LRRC28: variants seen among roughly 807,000 people sequenced by gnomAD.
The protein encoded by LRRC28 is leucine-rich repeat-containing protein 28.
In LRRC28, 39 loss-of-function variants were observed where a neutral mutation model predicts 45.7. The ratio of observed to expected loss-of-function variants is 0.85; its 90% CI spans 0.66 to 1.12. LRRC28 has a LOEUF of 1.12. Among genes scored for constraint, LRRC28 ranks in the 50% most tolerant of loss-of-function variants. The pLI is 0.00. For synonymous variants in LRRC28, 206 were observed against 178.8 expected (o/e 1.15, Z -1.22); for missense variants, 435 against 438.5 (o/e 0.99, Z 0.07).
intron 5 of LRRC28, among the ~76,000 whole-genome samples, chr15:99,304,827 T>C (rs1955122131): frequency 6.6e-6 from 1 of 152,204 alleles, no homozygotes; most frequent in Admixed American, 6.5e-5. Context: ...TAAAGTGATC[T>C]ATGGGGATCA....
rs571093219 is a variant in LRRC28, at chr15:99,386,099, T to C, written c.1101T>C (p.Ser367=). Residue 367 remains serine (S), a synonymous_variant, in exon 10 of 10, where the codon AGT becomes AGC. Transcript: ENST00000301981. ...TQCLQTFDLL[S] is the part of the protein sequence containing the mutation. ...GTCTGCAGACTTTTGACCTGCTGAG[T>C]TGATAAACACTCAAGAACCTCAGGA... 6 of 1,613,810 alleles carry C rather than the reference T, an allele frequency of 3.7e-6. No homozygotes were observed. The highest frequency in any genetic ancestry group is 5.1e-6 in the Non-Finnish European group (6 of 1,179,710).
intron 1 of LRRC28, among the ~76,000 whole-genome samples, chr15:99,252,154 T>G (rs2080831407): frequency 6.6e-6 from 1 of 152,358 alleles, no homozygotes; most frequent in South Asian, 2.1e-4. Context: ...TAAGTAATAC[T>G]ATTTGCCTTA....
intron 2 of LRRC28, among the ~76,000 whole-genome samples, chr15:99,267,361 A>G (rs778763678): frequency 2.0e-5 from 3 of 152,176 alleles, no homozygotes; most frequent in Non-Finnish European, 4.4e-5. Flanking sequence ...AGATGGCCTA[A>G]AAGAGCATCA....
At chr15:99,259,648 T>C in intron 2 of LRRC28, 3 of 1,427,562 alleles carry the variant, frequency 2.1e-6, no homozygotes, top group East Asian at 2.3e-5. Flanking sequence ...CAAATTACCA[T>C]GCGAGTCGGA....
In LRRC28 at chr15:99,389,864, C is replaced by G. The variant is rs1309063595; in HGVS notation, c.*3762C>G. 6.6e-6 allele frequency: 1 copy of G among 152,168 alleles called. No individual in the cohort carries two copies. The allele number at this position is 152,168 out of a possible 1,614,324, so 9.4% of individuals were successfully genotyped here. A position where few individuals can be genotyped will look rare whatever the true frequency, so the allele number is the denominator to read the frequency against. ...CTCGGCAGTGGCTCATGCCTATAAT[C>G]CCAGCACTTTGGGAGGCCGAGGAGG... On this transcript the variant is annotated 3_prime_UTR_variant, in exon 10 of 10. Transcript: ENST00000301981.
chr15:99,333,803 T>A lies in LRRC28; in HGVS notation c.386-120T>A, dbSNP rs1047165425. 4.7e-5 allele frequency: 48 copies of A among 1,031,380 alleles called. 1 individual carries two copies. The highest frequency in any genetic ancestry group is 1.1e-4 in the Admixed American group (5 of 44,646). 63.9% of individuals were successfully genotyped at this position (1,031,380 alleles called of 1,614,324 possible). A position where few individuals can be genotyped will look rare whatever the true frequency, so the allele number is the denominator to read the frequency against. ...CAAAAATCCTGCACTTCAGCATTCA[T>A]GTTTATGGGAATAGTCGCAGCTACT... On this transcript the variant is annotated intron_variant, in intron 5 of 9. Coordinates refer to ENST00000301981, the MANE Select transcript of LRRC28 (RefSeq NM_144598.5).
chr15:99,317,984 C>A (rs1955657018), intron 5 of LRRC28, among the ~76,000 whole-genome samples: 2 of 152,196 alleles, frequency 1.3e-5, no homozygotes, highest in Admixed American at 6.5e-5. Flanking sequence ...TATGTATTGA[C>A]TGCCTTGCAG....
chr15:99,310,987 A>G (rs1005142131), intron 5 of LRRC28, among the ~76,000 whole-genome samples: 3 of 152,226 alleles, frequency 2.0e-5, no homozygotes, highest in African/African-American at 7.2e-5. Flanking sequence ...AAAAAACCAC[A>G]GTGAGTAATG....
intron 3 of LRRC28, among the ~76,000 whole-genome samples, chr15:99,281,165 G>C (rs1182634171): frequency 2.0e-5 from 3 of 151,280 alleles, no homozygotes; most frequent in Non-Finnish European, 4.4e-5. Flanking sequence ...GTAGCTAGAA[G>C]TACAGGCATG....
intron 2 of LRRC28, among the ~76,000 whole-genome samples, chr15:99,261,436 G>T (rs1391229988): frequency 1.3e-5 from 2 of 152,146 alleles, no homozygotes; most frequent in Non-Finnish European, 2.9e-5. Flanking sequence ...GGAAGTACAA[G>T]ATCAGGGTAC....
chr15:99,360,310 A>G (rs1407189980), intron 7 of LRRC28, among the ~76,000 whole-genome samples: 1 of 152,056 alleles, frequency 6.6e-6, no homozygotes, highest in Non-Finnish European at 1.5e-5. Flanking sequence ...TAAGTCAGAT[A>G]TTGTCTTATC....
intron 3 of LRRC28, among the ~76,000 whole-genome samples, chr15:99,280,493 A>T (rs954428692): frequency 1.4e-5 from 2 of 146,006 alleles, no homozygotes; most frequent in East Asian, 2.0e-4. Context: ...CTTAGTGACC[A>T]TTTTTTTTGT....
intron 2 of LRRC28, among the ~76,000 whole-genome samples, chr15:99,256,692 T>A (rs988536809): frequency 6.6e-6 from 1 of 152,206 alleles, no homozygotes; most frequent in East Asian, 1.9e-4. Context: ...TTGGAAAAAA[T>A]TTTGCCACAA....
chr15:99,285,579 C>G, intron 3 of LRRC28: 1 of 754,696 alleles, frequency 1.3e-6, no homozygotes, highest in Admixed American at 2.2e-5. Flanking sequence ...TTAGACTTGA[C>G]GGCAGGGGGA....
chr15:99,354,100 A>G (rs1459992001), intron 7 of LRRC28: 1 of 152,238 alleles, frequency 6.6e-6, no homozygotes, highest in Non-Finnish European at 1.5e-5. Context: ...TAATAGTAGT[A>G]TTGAGGTAAT....
intron 9 of LRRC28, among the ~76,000 whole-genome samples, chr15:99,366,130 G>C (rs1423529328): frequency 6.6e-6 from 1 of 152,154 alleles, no homozygotes; most frequent in Non-Finnish European, 1.5e-5. Context: ...CTGCAAACTG[G>C]GTGACTTAAA....
At chr15:99,379,659 T>C (rs560004730) in intron 9 of LRRC28, among the ~76,000 whole-genome samples, 155 of 152,260 alleles carry the variant, frequency 1.0e-3, no homozygotes, top group African/African-American at 3.5e-3. Context: ...ATCTTTCCTG[T>C]TTTCTCTTGT....
Position 99,387,780 on chromosome 15 carries a change from A to T in LRRC28, c.*1678A>T, listed in dbSNP as rs576576845. ...CTTGGTAGAAAAATTATTTTTTTTT[A>T]ATTTCAGACTTATCAAAAATTTGGT... On this transcript the variant is annotated 3_prime_UTR_variant, in exon 10 of 10. Transcript: ENST00000301981. The T allele has an allele frequency of 1.3e-5, 2 of 152,118 alleles. No individual in the cohort carries two copies. Among genetic ancestry groups the T allele is most frequent in the African/African-American group, 4.8e-5 (2 of 41,526 alleles). 9.4% of individuals were successfully genotyped at this position (152,118 alleles called of 1,614,324 possible). A position where few individuals can be genotyped will look rare whatever the true frequency, so the allele number is the denominator to read the frequency against.
At chr15:99,357,753 C>G (rs1957086314) in intron 7 of LRRC28, among the ~76,000 whole-genome samples, 2 of 151,896 alleles carry the variant, frequency 1.3e-5, no homozygotes, top group Admixed American at 1.3e-4. Context: ...ATTTATTCAA[C>G]ATTATATTAA....
Sources: allele counts gnomAD v4.1 joint callset (sites outside exome capture counted in the v4.1 genomes callset), GRCh38; gene constraint gnomAD v4.1.1; transcripts MANE v1.5; gene names NCBI Gene and HGNC (gene_info 2026-07-23, HGNC 2026-07-21).